The following SRPK1 variants were observed in gnomAD, a reference collection of about 807,000 sequenced individuals.
SRPK1 encodes SRSF protein kinase 1.
Under a neutral mutation model 89.5 loss-of-function variants are expected in SRPK1, and 52 were observed. That is an observed-to-expected ratio of 0.58 (90% CI 0.46 to 0.73). SRPK1 has a LOEUF of 0.73. Among genes scored for constraint, SRPK1 ranks in the 30% least tolerant of loss-of-function variants. The pLI is 0.00. For missense variants in SRPK1, 603 were observed against 780.6 expected (o/e 0.77, Z 2.71); for synonymous variants, 255 against 270.2 (o/e 0.94, Z 0.55).
intron 6 of SRPK1, 127 bp from the exon 7 acceptor site, chr6:35,874,466 GAATA>G (rs568654346): frequency 3.7e-4 from 243 of 654,106 alleles, no homozygotes; most frequent in South Asian, 4.8e-4. Flanking sequence ...GAGCTTGAAT[GAATA>G]AATATGTAGC....
At chr6:35,849,230 T>TA (rs1274496447) in intron 13 of SRPK1, among the ~76,000 whole-genome samples, 7 of 150,796 alleles carry the variant, frequency 4.6e-5, no homozygotes, top group South Asian at 2.1e-4. Flanking sequence ...ACAGATCTAT[T>TA]AAAAAAAAAG....
At chr6:35,895,668 T>A (rs1475106729) in intron 2 of SRPK1, 1 of 152,160 alleles carries the variant, frequency 6.6e-6, no homozygotes, top group Non-Finnish European at 1.5e-5. Context: ...CCTTATCTGA[T>A]CCTGATTCAT....
intron 14 of SRPK1, among the ~76,000 whole-genome samples, chr6:35,839,109 T>G (rs1209350313): frequency 3.9e-5 from 6 of 152,256 alleles, no homozygotes; most frequent in Non-Finnish European, 8.8e-5. Context: ...ATTCTAGAAC[T>G]ATTATTTGTG....
intron 2 of SRPK1, 68 bp from the exon 3 acceptor site, chr6:35,891,081 C>T: frequency 6.8e-7 from 1 of 1,480,046 alleles, no homozygotes; most frequent in African/African-American, 1.4e-5. Context: ...CAAATGCTGC[C>T]CTCCCCACAA....
At chr6:35,876,073 G>C (rs1770149766) in intron 6 of SRPK1, among the ~76,000 whole-genome samples, 1 of 129,098 alleles carries the variant, frequency 7.7e-6, no homozygotes, top group Non-Finnish European at 1.6e-5. Context: ...CAACTAGCCT[G>C]GATTCTTAAA....
chr6:35,919,377 C>A (rs2127273360), intron 2 of SRPK1, among the ~76,000 whole-genome samples: 1 of 152,256 alleles, frequency 6.6e-6, no homozygotes, highest in East Asian at 1.9e-4. Context: ...CCCCTACACC[C>A]CCCTAATCTG....
intron 2 of SRPK1, 63 bp from the exon 3 acceptor site, chr6:35,891,076 G>A: frequency 6.7e-7 from 1 of 1,493,882 alleles, no homozygotes; most frequent in Non-Finnish European, 8.9e-7. Flanking sequence ...ATTATCAAAT[G>A]CTGCCCTCCC....
intron 2 of SRPK1, among the ~76,000 whole-genome samples, chr6:35,903,150 G>C (rs533267573): frequency 2.4e-4 from 37 of 151,864 alleles, no homozygotes; most frequent in African/African-American, 8.2e-4. Flanking sequence ...TGAACGGAAA[G>C]ATAGGGTTGC....
chr6:35,892,988 C>T (rs1295369940), intron 2 of SRPK1, among the ~76,000 whole-genome samples: 3 of 152,054 alleles, frequency 2.0e-5, no homozygotes, highest in Non-Finnish European at 2.9e-5. Flanking sequence ...TTTTTAATCC[C>T]CCAGGGTACA....
intron 12 of SRPK1, among the ~76,000 whole-genome samples, chr6:35,863,836 A>G (rs1223358686): frequency 1.3e-5 from 2 of 152,214 alleles, no homozygotes; most frequent in Admixed American, 6.5e-5. Context: ...AACAGTAAGT[A>G]TACAGAAAAA....
intron 2 of SRPK1, among the ~76,000 whole-genome samples, chr6:35,916,808 C>T (rs1477942451): frequency 6.6e-6 from 1 of 152,160 alleles, no homozygotes; most frequent in African/African-American, 2.4e-5. Context: ...CCTGTAATAC[C>T]AGCACTATGA....
At chr6:35,872,507 A>C in intron 8 of SRPK1, 56 bp downstream of exon 8, 1 of 1,469,152 alleles carries the variant, frequency 6.8e-7, no homozygotes, top group South Asian at 1.5e-5. Flanking sequence ...ACAGAATAAA[A>C]ATAGAAATTT....
intron 12 of SRPK1, among the ~76,000 whole-genome samples, chr6:35,861,430 T>C (rs564845741): frequency 5.0e-4 from 76 of 152,236 alleles, no homozygotes; most frequent in African/African-American, 1.7e-3. Flanking sequence ...CTGGGTGCCA[T>C]TTTGACAGCC....
At chr6:35,863,109 C>A (rs1458981034) in intron 12 of SRPK1, among the ~76,000 whole-genome samples, 1 of 151,894 alleles carries the variant, frequency 6.6e-6, no homozygotes, top group Non-Finnish European at 1.5e-5. Flanking sequence ...TGTGATCATA[C>A]CACTGCATTC....
chr6:35,869,374 C>T (rs1769981495), intron 11 of SRPK1, 108 bp downstream of exon 11: 2 of 1,327,582 alleles, frequency 1.5e-6, no homozygotes, highest in Admixed American at 2.0e-5. Flanking sequence ...AACTTAGACA[C>T]ACCTGTTGTA....
chr6:35,858,650 G>A (rs1389206690), intron 12 of SRPK1, among the ~76,000 whole-genome samples: 1 of 152,160 alleles, frequency 6.6e-6, no homozygotes. Flanking sequence ...ACTATCAGAT[G>A]TGCAAATCCC....
chr6:35,868,772 G>A (rs974274772), intron 12 of SRPK1, among the ~76,000 whole-genome samples: 3 of 152,044 alleles, frequency 2.0e-5, no homozygotes, highest in Non-Finnish European at 4.4e-5. Context: ...CTGGGTGATG[G>A]GTATCTGGAG....
intron 5 of SRPK1, among the ~76,000 whole-genome samples, chr6:35,887,273 A>G (rs1215161229): frequency 6.6e-6 from 1 of 152,206 alleles, no homozygotes. Flanking sequence ...TCTGAAAAGT[A>G]CTGTCTTAAG....
At chr6:35,841,483 T>C (rs188512341) in intron 14 of SRPK1, among the ~76,000 whole-genome samples, 5 of 152,232 alleles carry the variant, frequency 3.3e-5, no homozygotes, top group Admixed American at 1.3e-4. Flanking sequence ...TGTAGTGATA[T>C]CTCAAAATAA....
Sources: allele counts gnomAD v4.1 joint callset (sites outside exome capture counted in the v4.1 genomes callset), GRCh38; gene constraint gnomAD v4.1.1; transcripts MANE v1.5; gene names NCBI Gene and HGNC (gene_info 2026-07-23, HGNC 2026-07-21).